Variants in DMRT2 observed in about 807,000 individuals in gnomAD.
DMRT2 encodes doublesex- and mab-3-related transcription factor 2.
A neutral mutation model predicts 43.5 loss-of-function variants in DMRT2; 33 were observed. That is an observed-to-expected ratio of 0.76 (90% CI 0.58 to 1.01). The LOEUF is 1.01. Among genes scored for constraint, DMRT2 ranks in the 50% least tolerant of loss-of-function variants. The pLI, the probability that DMRT2 is intolerant of heterozygous loss-of-function variation, is 0.00. For synonymous variants in DMRT2, 395 were observed against 309.2 expected (o/e 1.28, Z -2.91); for missense variants, 1,064 against 748.0 (o/e 1.42, Z -4.93).
At chr9:1,052,232 G>A in intron 2 of DMRT2, 94 bp downstream of exon 2, 3 of 1,064,544 alleles carry the variant, frequency 2.8e-6, no homozygotes, top group Non-Finnish European at 3.7e-6. Context: ...CCGCGCCCAG[G>A]GCCTTGCGGT....
At position 1,052,043 on chromosome 9, in the gene DMRT2, T is replaced by A; in HGVS notation, c.430T>A (p.Trp144Arg). The change falls in exon 2 of 4, where the codon TGG (tryptophan) becomes AGG (arginine). Residue 144 changes from tryptophan (W) to arginine (R), a missense_variant. Transcript: ENST00000358146. Reference sequence around the variant, plus strand: ...GAAGGGCCACAAGCGCTTCTGTCGCTGGCGCGACTGCCAGTGCGCCAACTG... The same window carrying A: ...GAAGGGCCACAAGCGCTTCTGTCGCAGGCGCGACTGCCAGTGCGCCAACTG... ...CLKGHKRFCR[W>R]RDCQCANCLL... The A allele has an allele frequency of 6.8e-7, 1 of 1,472,856 alleles. No individual in the cohort carries two copies. The highest frequency in any genetic ancestry group is 8.9e-7 in the Non-Finnish European group (1 of 1,118,486). The allele number at this position is 1,472,856 out of a possible 1,614,324, so 91.2% of individuals were successfully genotyped here. A position where few individuals can be genotyped will look rare whatever the true frequency, so the allele number is the denominator to read the frequency against.
chr9:1,053,865 T>C (rs1821786052), intron 3 of DMRT2, 41 bp downstream of exon 3: 1 of 1,493,616 alleles, frequency 6.7e-7, no homozygotes, highest in Non-Finnish European at 9.3e-7. Flanking sequence ...TAAACAGAGT[T>C]GAGTGACTCT....
Position 1,056,531 on chromosome 9 carries a change from G to T in DMRT2, c.944G>T (p.Gly315Val). Reference sequence around the variant, plus strand: ...CTTGATTTAACCATGCAGTATTCAGGGTCTGGGAATATGGAACTAATTTCT... The same window carrying T: ...CTTGATTTAACCATGCAGTATTCAGTGTCTGGGAATATGGAACTAATTTCT... ...TCLDLTMQYS[G>V]SGNMELISSN... Residue 315 changes from glycine to valine, a missense_variant, in exon 4 of 4, where the codon GGG (glycine) becomes GTG (valine). Physicochemically the swap from Gly to Val is moderately radical, Grantham distance 109. Transcript: ENST00000358146. 1.9e-6 allele frequency: 3 copies of T among 1,614,132 alleles called. No individual in the cohort carries two copies. Among genetic ancestry groups the T allele is most frequent in the Non-Finnish European group, 2.5e-6 (3 of 1,180,020 alleles).
At chr9:1,054,856 G>T (rs904616323) in intron 3 of DMRT2, among the ~76,000 whole-genome samples, 1 of 151,794 alleles carries the variant, frequency 6.6e-6, no homozygotes, top group Non-Finnish European at 1.5e-5. Context: ...GAATTTTGTT[G>T]GTTCTGGACA....
intron 3 of DMRT2, 22 bp from the exon 4 acceptor site, chr9:1,056,194 G>T: frequency 6.3e-7 from 1 of 1,578,480 alleles, no homozygotes; most frequent in Non-Finnish European, 8.6e-7. Flanking sequence ...TCTCTTTCAT[G>T]TGCAATCTTT....
chr9:1,056,971 C>T lies in DMRT2; in HGVS notation c.1384C>T (p.His462Tyr), dbSNP rs780340349. ...LTKISKENTRHPLPLRHNPFH... is the reference protein window; with the variant it reads ...LTKISKENTRYPLPLRHNPFH... ...GAAGATCAGCAAAGAAAACACCAGG[C>T]ACCCTCTGCCACTTAGACATAATCC... The change falls in exon 4 of 4, where the codon CAC becomes TAC. Residue 462 changes from histidine to tyrosine, a missense_variant. Coordinates refer to ENST00000358146, the MANE Select transcript of DMRT2 (RefSeq NM_181872.6). 17 of 1,614,218 alleles carry T rather than the reference C, an allele frequency of 1.1e-5. No homozygotes were observed. The Admixed American group carries it at 2.3e-4, about 22-fold the overall frequency.
chr9:1,056,976 T>C lies in DMRT2; in HGVS notation c.1389T>C (p.Pro463=), dbSNP rs1011034650. 1.6e-5 allele frequency: 26 copies of C among 1,614,084 alleles called. No homozygotes were observed. The Admixed American group carries it at 3.5e-4, about 22-fold the overall frequency. Reference sequence around the variant, plus strand: ...TCAGCAAAGAAAACACCAGGCACCCTCTGCCACTTAGACATAATCCATTCC... The same window carrying C: ...TCAGCAAAGAAAACACCAGGCACCCCCTGCCACTTAGACATAATCCATTCC... ...TKISKENTRH[P]LPLRHNPFHS... is the part of the protein sequence containing the mutation. Residue 463 remains proline (P), a synonymous_variant, in exon 4 of 4, where the codon CCT becomes CCC. Coordinates refer to ENST00000358146, the MANE Select transcript of DMRT2 (RefSeq NM_181872.6).
chr9:1,056,059 C>A, intron 3 of DMRT2, 157 bp from the exon 4 acceptor site: 1 of 1,442,864 alleles, frequency 6.9e-7, no homozygotes, highest in South Asian at 1.6e-5. Context: ...CTCTTTCAAA[C>A]CTAATCTGTA....
At position 1,051,649 on chromosome 9, in the gene DMRT2, C is replaced by T. The variant is rs779943596; in HGVS notation, c.36C>T (p.Asp12=). ...ADPQAGSAAG[D]WEIDVESLEL... ...CGCAGGCTGGCTCCGCGGCCGGGGA[C>T]TGGGAGATCGATGTCGAGAGCCTGG... The change falls in exon 2 of 4, where the codon GAC becomes GAT. Residue 12 remains aspartate (D), a synonymous_variant. Coordinates refer to ENST00000358146, the MANE Select transcript of DMRT2 (RefSeq NM_181872.6). The surrounding 1 kb of genome is among the most constrained non-coding windows in gnomAD (Gnocchi z 5.9). The T allele has an allele frequency of 1.3e-6, 2 of 1,569,346 alleles. No individual in the cohort carries two copies. Among genetic ancestry groups the T allele is most frequent in the East Asian group, 2.4e-5 (1 of 41,718 alleles).
In DMRT2 at chr9:1,056,664, C is replaced by T. The variant is rs750482012; in HGVS notation, c.1077C>T (p.Cys359=). The change falls in exon 4 of 4, where the codon TGC becomes TGT. Residue 359 remains cysteine, a synonymous_variant. Transcript: ENST00000358146. ...PISDTLLYQQ[C]LLNATTSVQA... ...GCGACACCCTCCTCTACCAGCAATG[C>T]CTGCTAAATGCCACCACCTCAGTTC... is the stretch of plus-strand genomic sequence containing the variant. 8 of 1,614,088 alleles carry T rather than the reference C, an allele frequency of 5.0e-6. No homozygotes were observed. In the African/African-American group the frequency reaches 6.7e-5, roughly 13 times the overall value.
rs147461872 is a variant in DMRT2 at position 1,056,887 on chromosome 9, C to T, written c.1300C>T (p.Arg434Trp). Reference protein sequence around the residue: ...PERSAFSPPRRNFSPIVDTDS... With the variant: ...PERSAFSPPRWNFSPIVDTDS... ...GAGGTCCGCGTTCTCCCCACCCCGA[C>T]GGAATTTCTCTCCCATTGTTGACAC... The change falls in exon 4 of 4, where the codon CGG becomes TGG. Residue 434 changes from arginine to tryptophan, a missense_variant. Physicochemically the swap from Arg to Trp is moderately radical, Grantham distance 101. Transcript: ENST00000358146. 1.3e-4 allele frequency: 209 copies of T among 1,614,150 alleles called. No individual in the cohort carries two copies. The highest frequency in any genetic ancestry group is 9.7e-4 in the African/African-American group (73 of 75,010).
rs1456937834 is a variant in DMRT2, at chr9:1,056,854, G to A, written c.1267G>A (p.Val423Ile). The A allele has an allele frequency of 6.2e-7, 1 of 1,614,026 alleles. No homozygotes were observed. The highest frequency in any genetic ancestry group is 1.3e-5 in the African/African-American group (1 of 74,912). ...TRSDLQGHQA[V>I]PERSAFSPPR... ...AAGTGACCTTCAGGGTCATCAGGCT[G>A]TCCCAGAGAGGTCCGCGTTCTCCCC... is the stretch of plus-strand genomic sequence containing the variant. The change falls in exon 4 of 4, where the codon GTC becomes ATC. Residue 423 changes from valine (V) to isoleucine (I), a missense_variant. Coordinates refer to ENST00000358146, the MANE Select transcript of DMRT2 (RefSeq NM_181872.6).
chr9:1,055,939 C>A, intron 3 of DMRT2: 2 of 1,404,884 alleles, frequency 1.4e-6, no homozygotes, highest in South Asian at 3.7e-5. Flanking sequence ...TAAAGTATGT[C>A]TGTTGAAGCA....
At position 1,051,911 on chromosome 9, in the gene DMRT2, G is replaced by A. The variant is rs1405208907; in HGVS notation, c.298G>A (p.Gly100Ser). ...LAPQASPAGT[G>S]PRERCTPAGG... ...GCCTCAGGCCTCACCCGCCGGCACC[G>A]GTCCCCGAGAGCGCTGCACTCCCGC... The change falls in exon 2 of 4, where the codon GGT (glycine) becomes AGT (serine). Residue 100 changes from glycine to serine, a missense_variant. Physicochemically the swap from Gly to Ser is moderately conservative, Grantham distance 56 (BLOSUM62 0). Coordinates refer to ENST00000358146, the MANE Select transcript of DMRT2 (RefSeq NM_181872.6). The surrounding 1 kb of genome is among the most constrained non-coding windows in gnomAD (Gnocchi z 5.9). 1 of 1,359,660 alleles carries A rather than the reference G, an allele frequency of 7.4e-7. No homozygotes were observed. The highest frequency in any genetic ancestry group is 1.8e-5 in the South Asian group (1 of 54,572). 84.2% of individuals were successfully genotyped at this position (1,359,660 alleles called of 1,614,324 possible). A position where few individuals can be genotyped will look rare whatever the true frequency, so the allele number is the denominator to read the frequency against.
intron 3 of DMRT2, among the ~76,000 whole-genome samples, chr9:1,054,110 A>C (rs954693882): frequency 6.6e-6 from 1 of 152,222 alleles, no homozygotes; most frequent in Non-Finnish European, 1.5e-5. Context: ...CACCAGTTGA[A>C]GAATCCCTAT....
rs1236625257 is a variant in DMRT2 at position 1,051,463 on chromosome 9, TGACTCAA to T, written c.-44-105_-44-99del. On this transcript the variant is annotated intron_variant, in intron 1 of 3. Transcript: ENST00000358146. This position sits in a 1 kb window ranked among gnomAD's most constrained non-coding sequence, Gnocchi z 5.9. The stretch of plus-strand genomic sequence containing the variant: ...TGAGGGACATGTAATGAGAACAGGA[TGACTCAA>T]GCGGCCGGAGGCGGGCAGACCAGGA... 2 of 1,320,068 alleles carry T rather than the reference TGACTCAA, an allele frequency of 1.5e-6. No individual in the cohort carries two copies. The highest frequency in any genetic ancestry group is 2.0e-6 in the Non-Finnish European group (2 of 1,014,770). 81.8% of individuals were successfully genotyped at this position (1,320,068 alleles called of 1,614,324 possible).
chr9:1,056,272 C>A lies in DMRT2; in HGVS notation c.685C>A (p.Pro229Thr), dbSNP rs536429516. 6.2e-7 allele frequency: 1 copy of A among 1,614,142 alleles called. No individual in the cohort carries two copies. Among genetic ancestry groups the A allele is most frequent in the African/African-American group, 1.3e-5 (1 of 75,026 alleles). ...YVGGTFPLPP[P>T]VSDRMRKRRA... The stretch of plus-strand genomic sequence containing the variant: ...AGGAGGGACCTTCCCTCTACCTCCC[C>A]CAGTTAGTGACAGGATGAGGAAAAG... The change falls in exon 4 of 4, where the codon CCA becomes ACA. Residue 229 changes from proline (P) to threonine (T), a missense_variant. Pro to Thr is a conservative substitution (Grantham distance 38, BLOSUM62 -1). Transcript: ENST00000358146.
At chr9:1,052,324 T>C (rs1332403982) in intron 2 of DMRT2, among the ~76,000 whole-genome samples, 186 bp downstream of exon 2, 1 of 152,080 alleles carries the variant, frequency 6.6e-6, no homozygotes, top group Non-Finnish European at 1.5e-5. Context: ...AAAGCAGGCA[T>C]CTCTGGGGAA....
intron 3 of DMRT2, chr9:1,055,699 T>G: frequency 6.7e-7 from 1 of 1,484,758 alleles, no homozygotes; most frequent in Non-Finnish European, 9.0e-7. Flanking sequence ...CCTTTAACTT[T>G]CTTTCTTTCT....
Sources: gnomAD v4.1 joint callset for allele counts (sites outside exome capture counted in the v4.1 genomes callset) on GRCh38, gnomAD v4.1.1 for gene constraint, Gnocchi (gnomAD v3.1) non-coding constraint, MANE v1.5 for transcripts, NCBI Gene and HGNC (gene_info 2026-07-23, HGNC 2026-07-21) for gene names.